The following COL23A1 variants were observed in gnomAD, a reference collection of about 807,000 sequenced individuals.
COL23A1 encodes the protein collagen type XXIII alpha 1 chain.
A neutral mutation model predicts 99.3 loss-of-function variants in COL23A1; 97 were observed. The ratio of observed to expected loss-of-function variants is 0.98; its 90% CI spans 0.83 to 1.16. COL23A1 has a LOEUF of 1.16. COL23A1 is among the 50% of genes most tolerant of loss of function. The pLI, the probability that COL23A1 is intolerant of heterozygous loss-of-function variation, is 0.00. For synonymous variants in COL23A1, 320 were observed against 308.2 expected, an observed-to-expected ratio of 1.04 and a Z score of -0.40; for missense variants, 762 against 757.4, an observed-to-expected ratio of 1.01 and a Z score of -0.07.
At chr5:178,480,475 C>G (rs1400612689) in intron 2 of COL23A1, among the ~76,000 whole-genome samples, 1 of 152,188 alleles carries the variant, frequency 6.6e-6, no homozygotes, top group Non-Finnish European at 1.5e-5. Context: ...ACCCGCAAGC[C>G]CATCCCAAGA....
At chr5:178,334,430 C>T (rs537140658) in intron 2 of COL23A1, among the ~76,000 whole-genome samples, 66 of 82,332 alleles carry the variant, frequency 8.0e-4, no homozygotes, top group African/African-American at 2.5e-3. Context: ...CGGCACCGGC[C>T]GGCACAGGCC....
chr5:178,361,695 T>A (rs1762183587), intron 2 of COL23A1, among the ~76,000 whole-genome samples: 1 of 152,154 alleles, frequency 6.6e-6, no homozygotes. Flanking sequence ...CGGCTCCCAA[T>A]TCTTCTCCTG....
intron 2 of COL23A1, among the ~76,000 whole-genome samples, chr5:178,522,451 C>T (rs1760001397): frequency 6.6e-6 from 1 of 152,152 alleles, no homozygotes; most frequent in Non-Finnish European, 1.5e-5. Flanking sequence ...TAACTCGCCA[C>T]GCTTCCCCAT....
Position 178,255,826 on chromosome 5 carries a change from A to G in COL23A1, c.882+527T>C. Reference sequence around the variant, plus strand: ...GGGGGCTCAGATCCATTTTTTTTGGAGGAAGAAGCCAGCCTCTGGGAGCAT... The same window carrying G: ...GGGGGCTCAGATCCATTTTTTTTGGGGGAAGAAGCCAGCCTCTGGGAGCAT... On this transcript the variant is annotated intron_variant, in intron 15 of 28. Transcript: ENST00000390654. This position sits in a 1 kb window ranked among gnomAD's most constrained non-coding sequence, Gnocchi z 4.2. 5.0e-6 allele frequency: 2 copies of G among 401,430 alleles called. No homozygotes were observed. 24.9% of individuals were successfully genotyped at this position (401,430 alleles called of 1,614,324 possible). A position where few individuals can be genotyped will look rare whatever the true frequency, so the allele number is the denominator to read the frequency against.
At chr5:178,288,290 G>A (rs890801) in intron 5 of COL23A1, 34 bp downstream of exon 5, 1,052,922 of 1,552,188 alleles carry the variant, frequency 0.68, 368,231 homozygotes, top group Non-Finnish European at 0.73. Flanking sequence ...AAGAGAAAAG[G>A]GTGAAGAGAG....
At chr5:178,246,728 CGG>C (rs5873597) in intron 22 of COL23A1, among the ~76,000 whole-genome samples, 55,481 of 145,912 alleles carry the variant, frequency 0.38, 12,731 homozygotes, top group African/African-American at 0.66. Flanking sequence ...AGACGGGGGG[CGG>C]GGGGGGGGGG....
intron 2 of COL23A1, among the ~76,000 whole-genome samples, chr5:178,326,783 G>T (rs991023597): frequency 6.6e-6 from 1 of 152,196 alleles, no homozygotes; most frequent in Non-Finnish European, 1.5e-5. Flanking sequence ...GCAGTGGCGC[G>T]ATTTCGGCTC....
intron 2 of COL23A1, among the ~76,000 whole-genome samples, chr5:178,547,328 G>A (rs1005733951): frequency 2.0e-5 from 3 of 151,910 alleles, no homozygotes; most frequent in Admixed American, 6.6e-5. Flanking sequence ...GAAAAAAGGC[G>A]GGTGGCGAGA....
chr5:178,406,513 T>C (rs1216716215), intron 2 of COL23A1, among the ~76,000 whole-genome samples: 2 of 151,014 alleles, frequency 1.3e-5, no homozygotes, highest in African/African-American at 4.9e-5. Flanking sequence ...CACTGCAATC[T>C]CCGCCTCCTG....
At chr5:178,515,772 G>A (rs1056357263) in intron 2 of COL23A1, among the ~76,000 whole-genome samples, 5 of 152,010 alleles carry the variant, frequency 3.3e-5, no homozygotes, top group African/African-American at 7.3e-5. Context: ...CACCTGCATC[G>A]TGCCCCTTTC....
chr5:178,449,437 G>T (rs781768474), intron 2 of COL23A1, among the ~76,000 whole-genome samples: 1 of 152,142 alleles, frequency 6.6e-6, no homozygotes, highest in Non-Finnish European at 1.5e-5. Flanking sequence ...GCTACAAACC[G>T]AGAGGTTTCT....
Position 178,521,759 on chromosome 5 carries a change from A to G in COL23A1, c.361+38923T>C, listed in dbSNP as rs192367622. ...AAGTGAAAGTCAGAAACAAATGGCT[A>G]CTTATTTTATGATTCAATGTATATG... On this transcript the variant is annotated intron_variant, in intron 2 of 28. Coordinates refer to ENST00000390654, the MANE Select transcript of COL23A1 (RefSeq NM_173465.4). 1.4e-4 allele frequency among the ~76,000 whole-genome samples: 21 copies of G among 152,348 alleles called. 1 individual carries two copies. Among genetic ancestry groups the G allele is most frequent in the Admixed American group, 1.4e-3 (21 of 15,304 alleles).
At chr5:178,513,619 C>T (rs1410959194) in intron 2 of COL23A1, among the ~76,000 whole-genome samples, 2 of 152,016 alleles carry the variant, frequency 1.3e-5, no homozygotes, top group Non-Finnish European at 2.9e-5. Flanking sequence ...GGACTGAGGT[C>T]CCCACGTTTT....
chr5:178,331,442 G>C (rs767366619), intron 2 of COL23A1, among the ~76,000 whole-genome samples: 1 of 152,336 alleles, frequency 6.6e-6, no homozygotes, highest in Non-Finnish European at 1.5e-5. Context: ...CTGTAAACTG[G>C]GCATAACATG....
chr5:178,281,507 A>T lies in COL23A1; in HGVS notation c.441+6817T>A, dbSNP rs999484868. Among the ~76,000 whole-genome samples, 11 of 151,836 alleles carry T rather than the reference A, an allele frequency of 7.2e-5. No homozygotes were observed. The highest frequency in any genetic ancestry group is 2.7e-4 in the African/African-American group (11 of 41,406). On this transcript the variant is annotated intron_variant, in intron 5 of 28. Transcript: ENST00000390654. This position sits in a 1 kb window ranked among gnomAD's most constrained non-coding sequence, Gnocchi z 4.0. The stretch of plus-strand genomic sequence containing the variant: ...ATGAAGTGCAGTCACCGCTCCCTCG[A>T]CTCCAGAGGGGCTTGGGCACGGCGC...
rs1333590950 is a variant in COL23A1 at position 178,387,446 on chromosome 5, G to A, written c.362-80527C>T. On this transcript the variant is annotated intron_variant, in intron 2 of 28. Coordinates refer to ENST00000390654, the MANE Select transcript of COL23A1 (RefSeq NM_173465.4). The surrounding 1 kb of genome is among the most constrained non-coding windows in gnomAD (Gnocchi z 4.7). Reference sequence around the variant, plus strand: ...GCGCTCCTCCCGAAACCCACCCACCGGACATGTTCCTGCTGCCCTCCTGCA... The same window carrying A: ...GCGCTCCTCCCGAAACCCACCCACCAGACATGTTCCTGCTGCCCTCCTGCA... 6.6e-6 allele frequency among the ~76,000 whole-genome samples: 1 copy of A among 152,048 alleles called. No individual in the cohort carries two copies. Among genetic ancestry groups the A allele is most frequent in the African/African-American group, 2.4e-5 (1 of 41,414 alleles).
At chr5:178,432,877 C>G (rs945173133) in intron 2 of COL23A1, among the ~76,000 whole-genome samples, 1 of 152,042 alleles carries the variant, frequency 6.6e-6, no homozygotes, top group African/African-American at 2.4e-5. Flanking sequence ...TCCTTACCCC[C>G]CTTGCAGTGG....
rs376581716 is a variant in COL23A1, at chr5:178,255,046, A to G, written c.883-20T>C. ...GGCACCCTGAGGCAGGAAGAAGAGT[A>G]AGAATTTCAGGGAAGAGCTACACTG... On this transcript the variant is annotated intron_variant, in intron 15 of 28. Transcript: ENST00000390654. This position sits in a 1 kb window ranked among gnomAD's most constrained non-coding sequence, Gnocchi z 4.2. 59 of 1,606,598 alleles carry G rather than the reference A, an allele frequency of 3.7e-5. No individual in the cohort carries two copies. Among genetic ancestry groups the G allele is most frequent in the Non-Finnish European group, 4.9e-5 (58 of 1,173,564 alleles).
chr5:178,241,278 T>C (rs956651215), intron 27 of COL23A1, among the ~76,000 whole-genome samples: 1 of 151,894 alleles, frequency 6.6e-6, no homozygotes, highest in African/African-American at 2.4e-5. Context: ...CACCAGTGCC[T>C]GAAACCACTG....
Sources: gnomAD v4.1 joint callset for allele counts (sites outside exome capture counted in the v4.1 genomes callset) on GRCh38, gnomAD v4.1.1 for gene constraint, Gnocchi (gnomAD v3.1) non-coding constraint, MANE v1.5 for transcripts, NCBI Gene and HGNC (gene_info 2026-07-23, HGNC 2026-07-21) for gene names.